DNAH6: variants seen among roughly 807,000 people sequenced by gnomAD.
The protein encoded by DNAH6 is dynein axonemal heavy chain 6.
In DNAH6, 340 loss-of-function variants were observed where a neutral mutation model predicts 491.4. The ratio of observed to expected loss-of-function variants is 0.69; its 90% CI spans 0.63 to 0.76. The LOEUF (loss-of-function observed/expected upper bound fraction) is 0.76. DNAH6 is among the 30% of genes least tolerant of loss of function. DNAH6 has a pLI of 0.00. For missense variants in DNAH6, 4,443 were observed against 4,972.2 expected (o/e 0.89, Z 3.20); for synonymous variants, 1,603 against 1,686.1 (o/e 0.95, Z 1.21).
chr2:84,521,144 T>A (rs562814867), intron 2 of DNAH6, among the ~76,000 whole-genome samples: 48 of 152,160 alleles, frequency 3.2e-4, no homozygotes, highest in African/African-American at 5.8e-4. Flanking sequence ...CTATTTTTTT[T>A]AATTTTTCAG....
Position 84,670,404 on chromosome 2 carries a change from C to A in DNAH6, c.6383C>A (p.Ala2128Asp). ...GYVPVYLNFSAQTSSARTQEI... is the reference protein window; with the variant it reads ...GYVPVYLNFSDQTSSARTQEI... Reference sequence around the variant, plus strand: ...GTCCCTGTTTATCTAAATTTTTCTGCTCAAACTTCATCTGCAAGGACACAA... The same window carrying A: ...GTCCCTGTTTATCTAAATTTTTCTGATCAAACTTCATCTGCAAGGACACAA... Residue 2128 changes from alanine (A) to aspartate (D), a missense_variant, in exon 39 of 77, where the codon GCT (alanine) becomes GAT (aspartate). Transcript: ENST00000389394. The A allele has an allele frequency of 6.5e-7, 1 of 1,546,448 alleles. No homozygotes were observed. Among genetic ancestry groups the A allele is most frequent in the Non-Finnish European group, 8.7e-7 (1 of 1,143,714 alleles).
chr2:84,478,304 A>G, the DNAH6 span, among the ~76,000 whole-genome samples: 1 of 152,234 alleles, frequency 6.6e-6, no homozygotes, highest in Non-Finnish European at 1.5e-5. Context: ...AGAAAGAACC[A>G]GCTAATACCA....
chr2:84,673,280 G>A (rs1692922071), intron 40 of DNAH6, among the ~76,000 whole-genome samples: 1 of 152,052 alleles, frequency 6.6e-6, no homozygotes, highest in Non-Finnish European at 1.5e-5. Flanking sequence ...CCATGAGGAG[G>A]AATCTGGATT....
chr2:84,489,888 C>T, the DNAH6 span, among the ~76,000 whole-genome samples: 53 of 152,244 alleles, frequency 3.5e-4, 1 homozygote, highest in African/African-American at 1.1e-3. Context: ...TCATTTCTAA[C>T]GAGTTCCCAG....
intron 56 of DNAH6, 134 bp downstream of exon 56, chr2:84,710,546 C>G: frequency 3.6e-6 from 3 of 832,748 alleles, no homozygotes; most frequent in African/African-American, 1.7e-5. Flanking sequence ...ACCAGTTCCT[C>G]TTCTCCTTAA....
intron 10 of DNAH6, among the ~76,000 whole-genome samples, chr2:84,553,839 C>T (rs959634408): frequency 2.0e-5 from 3 of 151,998 alleles, no homozygotes; most frequent in Non-Finnish European, 4.4e-5. Flanking sequence ...TCTTAGTTAT[C>T]CATAGCGGTG....
Position 84,630,248 on chromosome 2 carries a change from A to G in DNAH6, c.4516-4256A>G, listed in dbSNP as rs1219817203. 2.5e-4 allele frequency among the ~76,000 whole-genome samples: 38 copies of G among 152,220 alleles called. 1 individual carries two copies. The highest frequency in any genetic ancestry group is 2.5e-3 in the Admixed American group (38 of 15,282). ...AAAAACAATATATCTAGCAATGGCC[A>G]TCATTGCTAAAACCACTAAAGACTA... On this transcript the variant is annotated intron_variant, in intron 29 of 76. Transcript: ENST00000389394.
chr2:84,686,422 C>A, intron 43 of DNAH6, 62 bp from the exon 44 acceptor site: 1 of 936,000 alleles, frequency 1.1e-6, no homozygotes, highest in Non-Finnish European at 1.7e-6. Flanking sequence ...TATGTTTTAT[C>A]ACTAAAATAT....
intron 66 of DNAH6, 68 bp from the exon 67 acceptor site, chr2:84,785,542 T>G (rs1677095033): frequency 7.2e-7 from 1 of 1,388,176 alleles, no homozygotes; most frequent in Non-Finnish European, 9.5e-7. Context: ...AGTCTATGTG[T>G]GTTATTCAGA....
At chr2:84,662,674 G>C (rs1487904437) in intron 37 of DNAH6, among the ~76,000 whole-genome samples, 1 of 152,196 alleles carries the variant, frequency 6.6e-6, no homozygotes, top group Non-Finnish European at 1.5e-5. Flanking sequence ...CCACCTCTGG[G>C]GGCAGGGCAT....
intron 16 of DNAH6, among the ~76,000 whole-genome samples, chr2:84,590,242 T>G (rs1422908070): frequency 6.6e-6 from 1 of 152,024 alleles, no homozygotes; most frequent in East Asian, 1.9e-4. Context: ...ACACCTGTAC[T>G]CCCAGCACTT....
At chr2:84,741,284 A>T (rs1238016705) in intron 62 of DNAH6, among the ~76,000 whole-genome samples, 3 of 152,046 alleles carry the variant, frequency 2.0e-5, no homozygotes, top group Non-Finnish European at 4.4e-5. Context: ...TTGGGCCTGA[A>T]AACAGGGAGG....
intron 37 of DNAH6, among the ~76,000 whole-genome samples, chr2:84,667,459 T>C (rs1692248990): frequency 6.6e-6 from 1 of 152,210 alleles, no homozygotes; most frequent in Non-Finnish European, 1.5e-5. Flanking sequence ...CAGATACTTC[T>C]CAAAAGAAGA....
chr2:84,637,305 A>G lies in DNAH6; in HGVS notation c.4749A>G (p.Glu1583=), dbSNP rs1688976847. The G allele has an allele frequency of 2.6e-6, 4 of 1,551,254 alleles. No homozygotes were observed. The Admixed American group carries it at 7.8e-5, about 30-fold the overall frequency. ...ATCCTGGCTATGCAGGGAGAACTGAATTGCCAGATAATTTGAAAGCCCTGT... is the reference window on the plus strand; with the variant it reads ...ATCCTGGCTATGCAGGGAGAACTGAGTTGCCAGATAATTTGAAAGCCCTGT... ...TMNPGYAGRT[E]LPDNLKALFR... is the part of the protein sequence containing the mutation. Residue 1583 remains glutamate (E), a synonymous_variant, in exon 31 of 77, where the codon GAA becomes GAG. Transcript: ENST00000389394.
In DNAH6 at chr2:84,594,014, GA is replaced by G. The variant is rs1684346357; in HGVS notation, c.2655del (p.Glu885AspfsTer2). 3 of 1,550,964 alleles carry G rather than the reference GA, an allele frequency of 1.9e-6. No individual in the cohort carries two copies. Among genetic ancestry groups the G allele is most frequent in the Non-Finnish European group, 2.6e-6 (3 of 1,146,506 alleles). ...TGAAGCTTTGGAAGAAGTCAGTGCT[GA>G]ACTGAAGCTCAAACAATTGCTCTGG... is the stretch of plus-strand genomic sequence containing the variant. ...KFEALEEVSA[E>X]LKLKQLLWDS... On this transcript the variant is annotated frameshift_variant, in exon 17 of 77. Coordinates refer to ENST00000389394, the MANE Select transcript of DNAH6 (RefSeq NM_001370.2). LOFTEE classifies it high-confidence loss of function.
At chr2:84,580,654 A>C (rs1436279908) in intron 14 of DNAH6, among the ~76,000 whole-genome samples, 1 of 152,198 alleles carries the variant, frequency 6.6e-6, no homozygotes, top group African/African-American at 2.4e-5. Context: ...CTTCTCAAAA[A>C]GGCAGATGAT....
intron 9 of DNAH6, among the ~76,000 whole-genome samples, chr2:84,552,579 G>A (rs1033632757): frequency 1.3e-5 from 2 of 151,638 alleles, no homozygotes; most frequent in Non-Finnish European, 2.9e-5. Context: ...TATATTATTG[G>A]CATATATTCC....
Position 84,784,973 on chromosome 2 carries a change from C to T in DNAH6, c.10953+163C>T, listed in dbSNP as rs140882634. ...TTTTCACCTATAACAAGCAGAGAAA[C>T]GATTTCCCAACCCCATCCTTGCATA... On this transcript the variant is annotated intron_variant, in intron 66 of 76. Transcript: ENST00000389394. Among the ~76,000 whole-genome samples, 298 of 152,240 alleles carry T rather than the reference C, an allele frequency of 2.0e-3. 1 individual carries two copies. Among genetic ancestry groups the T allele is most frequent in the African/African-American group, 7.0e-3 (289 of 41,552 alleles).
intron 47 of DNAH6, among the ~76,000 whole-genome samples, chr2:84,698,199 C>T (rs1445709857): frequency 2.0e-5 from 3 of 152,214 alleles, no homozygotes; most frequent in Non-Finnish European, 2.9e-5. Flanking sequence ...CCATACACCA[C>T]TACTTGTTCA....
Sources: gnomAD v4.1 joint callset for allele counts (sites outside exome capture counted in the v4.1 genomes callset) on GRCh38, gnomAD v4.1.1 for gene constraint, MANE v1.5 for transcripts, NCBI Gene and HGNC (gene_info 2026-07-23, HGNC 2026-07-21) for gene names.